Variants in CADPS observed in about 807,000 individuals in gnomAD.
CADPS encodes the protein calcium dependent secretion activator, also known as calcium-dependent secretion activator 1.
In CADPS, 57 loss-of-function variants were observed where a neutral mutation model predicts 167.3. That is an observed-to-expected ratio of 0.34 (90% confidence interval 0.28 to 0.42). CADPS has a LOEUF of 0.42. Ranked by LOEUF, CADPS falls within the 20% of genes least tolerant of loss-of-function variation. The pLI, the probability that CADPS is intolerant of heterozygous loss-of-function variation, is 1.00. For synonymous variants in CADPS, 676 were observed against 635.3 expected (o/e 1.06, Z -0.96); for missense variants, 1,414 against 1,738.1 (o/e 0.81, Z 3.32).
rs1011576814 is a variant in CADPS at position 62,716,086 on chromosome 3, G to A, written c.888+37355C>T. The stretch of plus-strand genomic sequence containing the variant: ...AAAAACACTTTTTTTTTGAGACAGA[G>A]TTTTGCTCTGTCGTCCAGGCTGGAA... On this transcript the variant is annotated intron_variant, in intron 3 of 29. Transcript: ENST00000383710. Among the ~76,000 whole-genome samples the A allele has an allele frequency of 5.9e-5, 9 of 151,302 alleles. 1 individual carries two copies. The highest frequency in any genetic ancestry group is 1.9e-4 in the African/African-American group (8 of 41,184).
chr3:62,692,472 A>G (rs533732471), intron 3 of CADPS, among the ~76,000 whole-genome samples: 2 of 152,206 alleles, frequency 1.3e-5, no homozygotes, highest in African/African-American at 4.8e-5. Flanking sequence ...CTACCATTTG[A>G]AGACATTTGG....
intron 13 of CADPS, among the ~76,000 whole-genome samples, chr3:62,525,679 ATGTGTGTG>A (rs34729200): frequency 1.3e-5 from 2 of 148,804 alleles, no homozygotes; most frequent in East Asian, 2.0e-4. Flanking sequence ...TAATGTCATT[ATGTGTGTG>A]TGTGTGTGTG....
Position 62,870,847 on chromosome 3 carries a change from G to C in CADPS, c.441+3742C>G, listed in dbSNP as rs548658887. Among the ~76,000 whole-genome samples the C allele has an allele frequency of 5.9e-5, 9 of 152,170 alleles. No homozygotes were observed. The South Asian group carries it at 1.9e-3, about 32-fold the overall frequency. ...TCACACAAGGTAGCCACCCATCACC[G>C]TTACTACATAGTTTAGAAACATATG... On this transcript the variant is annotated intron_variant, in intron 1 of 29. Coordinates refer to ENST00000383710, the MANE Select transcript of CADPS (RefSeq NM_003716.4).
intron 6 of CADPS, among the ~76,000 whole-genome samples, chr3:62,638,076 ATT>A (rs2066660435): frequency 9.6e-5 from 3 of 31,370 alleles, no homozygotes; most frequent in Admixed American, 1.0e-3. Context: ...TGTTTTAAGC[ATT>A]ATATATATAT....
At chr3:62,536,618 G>A in intron 11 of CADPS, 37 bp from the exon 12 acceptor site, 1 of 1,597,350 alleles carries the variant, frequency 6.3e-7, no homozygotes, top group South Asian at 1.1e-5. Flanking sequence ...ACACAATTTA[G>A]AGAAACACAT....
At chr3:62,553,717 A>C (rs576033692) in intron 10 of CADPS, among the ~76,000 whole-genome samples, 38 of 152,340 alleles carry the variant, frequency 2.5e-4, no homozygotes, top group African/African-American at 9.1e-4. Context: ...AGGACACACC[A>C]AGGAAAGCAA....
intron 6 of CADPS, among the ~76,000 whole-genome samples, chr3:62,612,491 C>T (rs544960751): frequency 2.6e-5 from 4 of 152,330 alleles, no homozygotes; most frequent in African/African-American, 9.6e-5. Flanking sequence ...CCATTCATCC[C>T]TTGTGGGACT....
intron 3 of CADPS, among the ~76,000 whole-genome samples, chr3:62,750,640 T>C (rs2082497188): frequency 6.6e-6 from 1 of 152,196 alleles, no homozygotes; most frequent in South Asian, 2.1e-4. Flanking sequence ...AAATCAACCA[T>C]AATCCTATCC....
At chr3:62,842,342 T>C (rs1415270497) in intron 1 of CADPS, among the ~76,000 whole-genome samples, 1 of 152,218 alleles carries the variant, frequency 6.6e-6, no homozygotes, top group African/African-American at 2.4e-5. Context: ...AGATGATAAA[T>C]GGTAGGGATA....
intron 1 of CADPS, among the ~76,000 whole-genome samples, chr3:62,811,407 C>T (rs2094389517): frequency 6.6e-6 from 1 of 152,150 alleles, no homozygotes; most frequent in Admixed American, 6.6e-5. Context: ...CACACACCAT[C>T]CACACCAGAA....
chr3:62,547,790 C>T (rs914353746), intron 11 of CADPS, among the ~76,000 whole-genome samples: 2 of 151,992 alleles, frequency 1.3e-5, no homozygotes, highest in African/African-American at 4.8e-5. Context: ...ATCAAGAGCC[C>T]CCATGCATTT....
chr3:62,646,499 T>C (rs1284366481), intron 5 of CADPS, among the ~76,000 whole-genome samples: 1 of 152,218 alleles, frequency 6.6e-6, no homozygotes, highest in African/African-American at 2.4e-5. Context: ...AAAAATAGTC[T>C]GGCTTTTGGT....
intron 5 of CADPS, among the ~76,000 whole-genome samples, chr3:62,647,006 G>A (rs1439189467): frequency 2.6e-5 from 4 of 152,072 alleles, no homozygotes; most frequent in Admixed American, 6.5e-5. Context: ...CAAACTCCAC[G>A]TAATCACCTA....
chr3:62,812,281 T>C (rs2094427483), intron 1 of CADPS, among the ~76,000 whole-genome samples: 1 of 152,188 alleles, frequency 6.6e-6, no homozygotes, highest in Non-Finnish European at 1.5e-5. Context: ...AATTTTACTA[T>C]ATAATCAAGA....
chr3:62,461,319 G>T (rs2059323578), intron 26 of CADPS, among the ~76,000 whole-genome samples: 1 of 152,182 alleles, frequency 6.6e-6, no homozygotes, highest in African/African-American at 2.4e-5. Flanking sequence ...TACACTGAAG[G>T]AGATTAAAAG....
intron 1 of CADPS, among the ~76,000 whole-genome samples, chr3:62,784,390 G>A (rs2092169057): frequency 6.6e-6 from 1 of 152,100 alleles, no homozygotes; most frequent in African/African-American, 2.4e-5. Flanking sequence ...AATAATTCAT[G>A]AGAAAAATTT....
chr3:62,499,206 G>T lies in CADPS; in HGVS notation c.2662C>A (p.Leu888Ile). 6.2e-7 allele frequency: 1 copy of T among 1,613,800 alleles called. No homozygotes were observed. Reference protein sequence around the residue: ...KLEDTIRLAELVIEVLQQNEE... With the variant: ...KLEDTIRLAEIVIEVLQQNEE... ...TTTTGCTGAAGAACTTCAATGACTA[G>T]TTCAGCAAGACGTATTGTATCTTCA... The change falls in exon 18 of 30, where the codon CTA becomes ATA. Residue 888 changes from leucine to isoleucine, a missense_variant. By Grantham distance (5) the Leu-to-Ile change is conservative. Coordinates refer to ENST00000383710, the MANE Select transcript of CADPS (RefSeq NM_003716.4).
In CADPS at chr3:62,420,895, CACACACA is replaced by C. The variant is rs1560144913; in HGVS notation, c.3777+17202_3777+17208del. Among the ~76,000 whole-genome samples the C allele has an allele frequency of 2.5e-4, 31 of 124,150 alleles. No homozygotes were observed. The highest frequency in any genetic ancestry group is 1.1e-3 in the African/African-American group (29 of 26,178). The allele number at this position is 124,150 out of a possible 152,430, so 81.4% of individuals were successfully genotyped here. ...ACACACACACACACACACACACACACACACACAGGCACACACACACACACTTGCCAGA... is the reference window on the plus strand; with the variant it reads ...ACACACACACACACACACACACACACGGCACACACACACACACTTGCCAGA... On this transcript the variant is annotated intron_variant, in intron 28 of 29. Coordinates refer to ENST00000383710, the MANE Select transcript of CADPS (RefSeq NM_003716.4). This position sits in a 1 kb window ranked among gnomAD's most constrained non-coding sequence, Gnocchi z 4.1.
intron 10 of CADPS, among the ~76,000 whole-genome samples, chr3:62,554,061 A>G (rs2251423): frequency 0.65 from 98,542 of 152,112 alleles, 34,186 homozygotes; most frequent in Admixed American, 0.76. Context: ...ATGAGGGTAA[A>G]AAAGGTCTTT....
Sources: allele counts gnomAD v4.1 joint callset (sites outside exome capture counted in the v4.1 genomes callset), GRCh38; gene constraint gnomAD v4.1.1; non-coding constraint Gnocchi (gnomAD v3.1); transcripts MANE v1.5; gene names NCBI Gene and HGNC (gene_info 2026-07-23, HGNC 2026-07-21).